CBLN2: variants seen among roughly 807,000 people sequenced by gnomAD.
The protein encoded by CBLN2 is cerebellin 2 precursor, also known as cerebellin-2.
Under a neutral mutation model 15.0 loss-of-function variants are expected in CBLN2, and 7 were observed. The ratio of observed to expected loss-of-function variants is 0.47; its 90% CI spans 0.27 to 0.88. The LOEUF (loss-of-function observed/expected upper bound fraction) is 0.88, where lower values mean the gene tolerates loss of function less well. CBLN2 is among the 40% of genes least tolerant of loss of function. The pLI is 0.14. For missense variants in CBLN2, 242 were observed against 304.5 expected, an observed-to-expected ratio of 0.79 and a Z score of 1.53; for synonymous variants, 149 against 135.2, an observed-to-expected ratio of 1.10 and a Z score of -0.71.
chr18:72,570,262 G>C (rs7236978), intron 1 of CBLN2, among the ~76,000 whole-genome samples: 145,047 of 149,968 alleles, frequency 0.97, 70,276 homozygotes, highest in Non-Finnish European at 1. Flanking sequence ...CAACAGCACT[G>C]TTTTCTTCCT....
At chr18:72,582,555 A>C (rs1367415107) in intron 1 of CBLN2, among the ~76,000 whole-genome samples, 6 of 152,172 alleles carry the variant, frequency 3.9e-5, no homozygotes, top group African/African-American at 1.4e-4. Flanking sequence ...GTCTGAGGAC[A>C]AGATTAATAG....
chr18:72,612,852 C>T (rs966875312), intron 1 of CBLN2, among the ~76,000 whole-genome samples: 3 of 152,192 alleles, frequency 2.0e-5, no homozygotes, highest in African/African-American at 7.2e-5. Context: ...GCTGCTGTAA[C>T]AAAGTGTCAT....
intron 1 of CBLN2, among the ~76,000 whole-genome samples, chr18:72,562,595 T>C (rs1453142287): frequency 6.6e-6 from 1 of 152,200 alleles, no homozygotes; most frequent in Non-Finnish European, 1.5e-5. Context: ...ATAAAAATTG[T>C]GGAAGATTAT....
In CBLN2 at chr18:72,634,369, G is replaced by A. The variant is rs1421682846; in HGVS notation, c.15+3956C>T. On this transcript the variant is annotated intron_variant, in intron 1 of 2. Coordinates refer to the CBLN2 transcript ENST00000581073. ...TACTAACCTTTCTATTATGGCCAAT[G>A]ATATAATTTAATTCAATTAAATATT... Among the ~76,000 whole-genome samples, 5 of 152,058 alleles carry A rather than the reference G, an allele frequency of 3.3e-5. No individual in the cohort carries two copies. The South Asian group carries it at 6.2e-4, about 19-fold the overall frequency.
Position 72,543,402 on chromosome 18 carries a change from C to T in CBLN2, c.-167+84G>A. On this transcript the variant is annotated intron_variant, in intron 2 of 4. Transcript: ENST00000269503. The surrounding 1 kb of genome is among the most constrained non-coding windows in gnomAD (Gnocchi z 6.8). ...CTCTCTCTCCACCTCCTCCACCCCT[C>T]GATCTGGACCAGGGAGAGTCTTCGT... 1 of 398,058 alleles carries T rather than the reference C, an allele frequency of 2.5e-6. No individual in the cohort carries two copies. The highest frequency in any genetic ancestry group is 4.4e-6 in the Non-Finnish European group (1 of 225,754). The allele number at this position is 398,058 out of a possible 1,614,324, so 24.7% of individuals were successfully genotyped here. A position where few individuals can be genotyped will look rare whatever the true frequency, so the allele number is the denominator to read the frequency against.
chr18:72,624,083 T>C (rs914443603), intron 1 of CBLN2, among the ~76,000 whole-genome samples: 1 of 152,148 alleles, frequency 6.6e-6, no homozygotes, highest in Non-Finnish European at 1.5e-5. Context: ...TCAGAAAGTC[T>C]ATGACATGCT....
intron 1 of CBLN2, among the ~76,000 whole-genome samples, chr18:72,608,875 T>C (rs1312357844): frequency 6.6e-6 from 1 of 152,184 alleles, no homozygotes; most frequent in South Asian, 2.1e-4. Flanking sequence ...AGGAGCAAAG[T>C]CACATCTTAC....
intron 1 of CBLN2, among the ~76,000 whole-genome samples, chr18:72,583,272 G>A (rs1168199185): frequency 3.3e-5 from 5 of 152,210 alleles, no homozygotes; most frequent in African/African-American, 1.2e-4. Context: ...GAGGGAAGAA[G>A]CGCAGCTGTC....
At chr18:72,637,229 G>T (rs2069819223) in intron 1 of CBLN2, among the ~76,000 whole-genome samples, 1 of 151,688 alleles carries the variant, frequency 6.6e-6, no homozygotes, top group African/African-American at 2.4e-5. Flanking sequence ...TTTTTGATGA[G>T]TTTAAATACT....
intron 1 of CBLN2, among the ~76,000 whole-genome samples, chr18:72,624,557 T>G (rs2069722356): frequency 6.6e-6 from 1 of 152,110 alleles, no homozygotes; most frequent in Admixed American, 6.6e-5. Flanking sequence ...CAATAATTAC[T>G]TGAACCCAGG....
chr18:72,588,754 A>G (rs1266417216), intron 1 of CBLN2, among the ~76,000 whole-genome samples: 1 of 152,218 alleles, frequency 6.6e-6, no homozygotes, highest in Non-Finnish European at 1.5e-5. Flanking sequence ...AAGGCTAGAA[A>G]AGAATTATCC....
At chr18:72,619,084 C>T in intron 1 of CBLN2, 1 of 747,490 alleles carries the variant, frequency 1.3e-6, no homozygotes, top group South Asian at 1.3e-5. Context: ...AATTTTGGAC[C>T]CATGAAGAGA....
rs1326440575 is a variant in CBLN2 at position 72,583,953 on chromosome 18, G to A, written c.16-45181C>T. On this transcript the variant is annotated intron_variant, in intron 1 of 2. Transcript: ENST00000581073. ...TGTGCAGGACACTGCTAAACTCCTT[G>A]AATACATTTTCTTTTTTTCTGTGAT... Among the ~76,000 whole-genome samples the A allele has an allele frequency of 2.6e-5, 4 of 152,284 alleles. No individual in the cohort carries two copies. The East Asian group carries it at 7.7e-4, about 29-fold the overall frequency.
intron 1 of CBLN2, among the ~76,000 whole-genome samples, chr18:72,575,119 C>T (rs940765815): frequency 6.6e-6 from 1 of 152,014 alleles, no homozygotes; most frequent in East Asian, 1.9e-4. Flanking sequence ...GGTGCAAGTA[C>T]GGTTGGAACA....
chr18:72,619,253 G>A, intron 1 of CBLN2: 2 of 900,224 alleles, frequency 2.2e-6, no homozygotes, highest in South Asian at 2.6e-5. Context: ...CTTAGCAGGA[G>A]AGGAGAGCCA....
intron 1 of CBLN2, among the ~76,000 whole-genome samples, chr18:72,579,312 C>T (rs1165510587): frequency 6.6e-6 from 1 of 151,912 alleles, no homozygotes; most frequent in Non-Finnish European, 1.5e-5. Flanking sequence ...ATATAACTCG[C>T]CATAATTAAA....
At chr18:72,619,248 CA>C in intron 1 of CBLN2, 2 of 916,662 alleles carry the variant, frequency 2.2e-6, no homozygotes, top group Non-Finnish European at 1.7e-6. Flanking sequence ...CAAAGCTTAG[CA>C]GGAGAGGAGA....
chr18:72,628,735 T>A (rs2069756848), intron 1 of CBLN2, among the ~76,000 whole-genome samples: 1 of 152,238 alleles, frequency 6.6e-6, no homozygotes, highest in South Asian at 2.1e-4. Context: ...TATGGACAAA[T>A]GTTTGATTTC....
chr18:72,537,972 A>C lies in CBLN2; in HGVS notation c.*204T>G. On this transcript the variant is annotated 3_prime_UTR_variant, in exon 5 of 5. Transcript: ENST00000269503. ...AAGACCTTGTCATCTAAAACTAATT[A>C]GAGGCCAGGTTCCCGAGGAATTGTC... The C allele has an allele frequency of 1.0e-5, 6 of 599,788 alleles. No homozygotes were observed. The highest frequency in any genetic ancestry group is 1.5e-5 in the Non-Finnish European group (5 of 337,664). The allele number at this position is 599,788 out of a possible 1,614,324, so 37.2% of individuals were successfully genotyped here.
Sources: gnomAD v4.1 joint callset for allele counts (sites outside exome capture counted in the v4.1 genomes callset) on GRCh38, gnomAD v4.1.1 for gene constraint, Gnocchi (gnomAD v3.1) non-coding constraint, MANE v1.5 for transcripts, NCBI Gene and HGNC (gene_info 2026-07-23, HGNC 2026-07-21) for gene names.